The following DISP1 variants were observed in gnomAD, a reference collection of about 807,000 sequenced individuals.
DISP1 encodes the protein protein dispatched homolog 1.
Under a neutral mutation model 37.3 loss-of-function variants are expected in DISP1, and 30 were observed. The observed-to-expected ratio is 0.80, with a 90% CI of 0.60 to 1.09. The LOEUF (loss-of-function observed/expected upper bound fraction) is 1.09. DISP1 is among the 50% of genes least tolerant of loss of function. DISP1 has a pLI of 0.00. For synonymous variants in DISP1, 634 were observed against 690.2 expected (o/e 0.92, Z 1.28); for missense variants, 1,598 against 1,879.5 (o/e 0.85, Z 2.77).
intron 1 of DISP1, among the ~76,000 whole-genome samples, chr1:222,817,222 T>C (rs1661468876): frequency 2.0e-5 from 3 of 152,270 alleles, no homozygotes; most frequent in Non-Finnish European, 1.5e-5. Flanking sequence ...GTTTAACCAA[T>C]AATGGCAGTT....
chr1:222,997,288 T>C (rs1430091198), intron 8 of DISP1, among the ~76,000 whole-genome samples: 1 of 152,150 alleles, frequency 6.6e-6, no homozygotes, highest in Admixed American at 6.6e-5. Flanking sequence ...TGCAAACTTA[T>C]CTGTAACCTC....
At position 223,004,907 on chromosome 1, in the gene DISP1, A is replaced by C. The variant is rs369805466; in HGVS notation, c.3510A>C (p.Thr1170=). The C allele has an allele frequency of 4.3e-6, 7 of 1,610,466 alleles. No homozygotes were observed. The Admixed American group carries it at 6.7e-5, about 15-fold the overall frequency. ...CCAGTGACAAGGGACAAAGCAAAAC[A>C]CATACCATAAATGCTTATCATTTAG... ...TSPSDKGQSK[T]HTINAYHLDP... The change falls in exon 9 of 9, where the codon ACA becomes ACC. Residue 1170 remains threonine (T), a synonymous_variant. Coordinates refer to ENST00000675850, the MANE Select transcript of DISP1 (RefSeq NM_001377229.1). The surrounding 1 kb of genome is among the most constrained non-coding windows in gnomAD (Gnocchi z 4.9).
At chr1:222,899,521 A>T (rs531863476) in intron 1 of DISP1, among the ~76,000 whole-genome samples, 2 of 152,252 alleles carry the variant, frequency 1.3e-5, no homozygotes, top group South Asian at 4.1e-4. Flanking sequence ...GCCAAGGGTG[A>T]GGGTCTTGTT....
chr1:222,995,096 T>C (rs2102761303), intron 8 of DISP1, 114 bp downstream of exon 8: 1 of 826,164 alleles, frequency 1.2e-6, no homozygotes, highest in Admixed American at 1.9e-5. Context: ...GAGGCTTACC[T>C]ACTGAGGAGT....
intron 1 of DISP1, among the ~76,000 whole-genome samples, chr1:222,902,763 A>G (rs1671670447): frequency 6.6e-6 from 1 of 152,118 alleles, no homozygotes; most frequent in Non-Finnish European, 1.5e-5. Flanking sequence ...ACCATCTCAC[A>G]CCAGTTAGAA....
intron 1 of DISP1, among the ~76,000 whole-genome samples, chr1:222,821,304 A>T (rs561441027): frequency 1.1e-4 from 17 of 152,372 alleles, no homozygotes; most frequent in Non-Finnish European, 2.5e-4. Context: ...GGTTTTGAGT[A>T]AACAACTATT....
intron 1 of DISP1, among the ~76,000 whole-genome samples, chr1:222,843,570 G>A (rs367583273): frequency 1.3e-5 from 2 of 150,682 alleles, no homozygotes; most frequent in Non-Finnish European, 3.0e-5. Flanking sequence ...GGATGGGGGG[G>A]GGAAATTTCT....
intron 1 of DISP1, among the ~76,000 whole-genome samples, chr1:222,875,654 TAA>T (rs1161033639): frequency 2.1e-5 from 2 of 93,674 alleles, no homozygotes. Context: ...CTGTCTCTAC[TAA>T]AAAAAAAAAA....
rs181293491 is a variant in DISP1, at chr1:222,978,410, T to C, written c.510-4670T>C. Among the ~76,000 whole-genome samples the C allele has an allele frequency of 2.2e-3, 332 of 152,330 alleles. 2 individuals are homozygous for C. Among genetic ancestry groups the C allele is most frequent in the African/African-American group, 7.4e-3 (307 of 41,572 alleles). Reference sequence around the variant, plus strand: ...AAATTTGTTTGAGTTCATTGTAGATTCTGGATATTAGCCCGTTGTCAGATG... The same window carrying C: ...AAATTTGTTTGAGTTCATTGTAGATCCTGGATATTAGCCCGTTGTCAGATG... On this transcript the variant is annotated intron_variant, in intron 3 of 8. Transcript: ENST00000675850.
At chr1:222,916,108 G>A (rs1256121778) in intron 1 of DISP1, among the ~76,000 whole-genome samples, 1 of 152,150 alleles carries the variant, frequency 6.6e-6, no homozygotes, top group Non-Finnish European at 1.5e-5. Context: ...TTGAGTACCT[G>A]GAACAGGTTA....
At chr1:222,998,919 C>T (rs916971100) in intron 8 of DISP1, among the ~76,000 whole-genome samples, 11 of 152,084 alleles carry the variant, frequency 7.2e-5, no homozygotes, top group South Asian at 4.1e-4. Context: ...TCTTTTCTCC[C>T]GAGGCTCCCC....
intron 1 of DISP1, among the ~76,000 whole-genome samples, chr1:222,824,919 G>T (rs1331214017): frequency 6.6e-6 from 1 of 152,102 alleles, no homozygotes; most frequent in African/African-American, 2.4e-5. Flanking sequence ...ATAATGGAGG[G>T]TAATGATGAA....
chr1:222,943,475 A>T, intron 3 of DISP1, 143 bp downstream of exon 3: 1 of 1,161,060 alleles, frequency 8.6e-7, no homozygotes. Flanking sequence ...GATTGTGTGA[A>T]GCCAACAAAA....
intron 1 of DISP1, among the ~76,000 whole-genome samples, chr1:222,894,666 G>A (rs1671142192): frequency 6.6e-6 from 1 of 152,190 alleles, no homozygotes; most frequent in Admixed American, 6.5e-5. Flanking sequence ...CTGGGTGGCT[G>A]TAGCTGCGCC....
intron 3 of DISP1, among the ~76,000 whole-genome samples, chr1:222,961,818 C>T (rs944544020): frequency 6.6e-5 from 10 of 152,026 alleles, no homozygotes; most frequent in African/African-American, 2.4e-4. Flanking sequence ...CCATCCTGGC[C>T]AACATGGTGA....
At position 222,893,078 on chromosome 1, in the gene DISP1, T is replaced by A. The variant is rs1671024746; in HGVS notation, c.-158-35352T>A. On this transcript the variant is annotated intron_variant, in intron 1 of 8. Coordinates refer to ENST00000675850, the MANE Select transcript of DISP1 (RefSeq NM_001377229.1). This position sits in a 1 kb window ranked among gnomAD's most constrained non-coding sequence, Gnocchi z 4.3. ...TGTTTACTTCACTTGATGTTTTCTA[T>A]TATTAGATGTCTATATCAGGTATAG... 6.6e-6 allele frequency among the ~76,000 whole-genome samples: 1 copy of A among 152,246 alleles called. No individual in the cohort carries two copies. Among genetic ancestry groups the A allele is most frequent in the Non-Finnish European group, 1.5e-5 (1 of 68,046 alleles).
At chr1:222,951,479 C>T (rs1675219347) in intron 3 of DISP1, among the ~76,000 whole-genome samples, 1 of 57,974 alleles carries the variant, frequency 1.7e-5, no homozygotes. Context: ...CCTTTCCCCT[C>T]TCCTTAGCCC....
Position 222,893,553 on chromosome 1 carries a change from G to A in DISP1, c.-158-34877G>A, listed in dbSNP as rs1671060142. 6.6e-6 allele frequency among the ~76,000 whole-genome samples: 1 copy of A among 152,246 alleles called. No homozygotes were observed. The highest frequency in any genetic ancestry group is 1.5e-5 in the Non-Finnish European group (1 of 68,040). Reference sequence around the variant, plus strand: ...GCACAGACAGCTAGGCACATCAGCTGCTGTGGCAGGGCGGGCAGCCCCAGG... The same window carrying A: ...GCACAGACAGCTAGGCACATCAGCTACTGTGGCAGGGCGGGCAGCCCCAGG... On this transcript the variant is annotated intron_variant, in intron 1 of 8. Coordinates refer to ENST00000675850, the MANE Select transcript of DISP1 (RefSeq NM_001377229.1). The surrounding 1 kb of genome is among the most constrained non-coding windows in gnomAD (Gnocchi z 4.3).
At chr1:222,872,370 C>T (rs1249957240) in intron 1 of DISP1, 10 of 152,168 alleles carry the variant, frequency 6.6e-5, no homozygotes, top group African/African-American at 2.4e-4. Flanking sequence ...GGTACCAGCT[C>T]CTCCTTGTGC....
Sources: allele counts gnomAD v4.1 joint callset (sites outside exome capture counted in the v4.1 genomes callset), GRCh38; gene constraint gnomAD v4.1.1; non-coding constraint Gnocchi (gnomAD v3.1); transcripts MANE v1.5; gene names NCBI Gene and HGNC (gene_info 2026-07-23, HGNC 2026-07-21).